Variants in MYO16 observed in about 807,000 individuals in gnomAD.
MYO16 encodes unconventional myosin-XVI.
A neutral mutation model predicts 205.3 loss-of-function variants in MYO16; 94 were observed. The observed-to-expected ratio is 0.46, with a 90% CI of 0.39 to 0.54. The LOEUF (loss-of-function observed/expected upper bound fraction) is 0.54, where lower values mean the gene tolerates loss of function less well. MYO16 is among the 20% of genes least tolerant of loss of function. The pLI, the probability that MYO16 is intolerant of heterozygous loss-of-function variation, is 0.00. For synonymous variants in MYO16, 988 were observed against 954.0 expected, an observed-to-expected ratio of 1.04 and a Z score of -0.66; for missense variants, 2,315 against 2,387.5, an observed-to-expected ratio of 0.97 and a Z score of 0.63.
rs571169291 is a variant in MYO16, at chr13:108,847,555, A to C, written c.1248+3062A>C. 1.1e-3 allele frequency among the ~76,000 whole-genome samples: 164 copies of C among 152,272 alleles called. 1 individual carries two copies. Among genetic ancestry groups the C allele is most frequent in the South Asian group, 2.7e-3 (13 of 4,828 alleles). ...TTAACATTTTAGAGATAAATACATC[A>C]TGTGGAAAATTTTAAAAAATTAAAA... On this transcript the variant is annotated intron_variant, in intron 10 of 34. Coordinates refer to ENST00000457511, the MANE Select transcript of MYO16 (RefSeq NM_001198950.3).
chr13:108,802,363 T>C (rs191769287), intron 6 of MYO16, among the ~76,000 whole-genome samples: 1 of 152,362 alleles, frequency 6.6e-6, no homozygotes, highest in African/African-American at 2.4e-5. Flanking sequence ...GTGCCTGACT[T>C]ATTTCACTTA....
At chr13:109,110,914 C>A (rs1260363059) in intron 28 of MYO16, among the ~76,000 whole-genome samples, 1 of 152,100 alleles carries the variant, frequency 6.6e-6, no homozygotes, top group Non-Finnish European at 1.5e-5. Context: ...CTGTGCCCTG[C>A]TGGTATGAAG....
At chr13:108,874,245 C>T (rs1052517619) in intron 12 of MYO16, among the ~76,000 whole-genome samples, 4 of 151,608 alleles carry the variant, frequency 2.6e-5, no homozygotes, top group Non-Finnish European at 4.4e-5. Flanking sequence ...GAAATGTGAT[C>T]GGGGCAAATC....
chr13:108,822,002 C>A (rs1464048839), intron 8 of MYO16, among the ~76,000 whole-genome samples: 1 of 152,058 alleles, frequency 6.6e-6, no homozygotes, highest in African/African-American at 2.4e-5. Flanking sequence ...TCAACTAAAG[C>A]AGATATGCCA....
intron 4 of MYO16, among the ~76,000 whole-genome samples, chr13:108,733,538 A>T (rs1045366194): frequency 2.0e-5 from 3 of 152,168 alleles, no homozygotes; most frequent in Non-Finnish European, 4.4e-5. Context: ...CTTATAATTC[A>T]TTCAGAGCTA....
the MYO16 span, among the ~76,000 whole-genome samples, chr13:108,517,949 C>A: frequency 6.6e-6 from 1 of 152,130 alleles, no homozygotes; most frequent in South Asian, 2.1e-4. Context: ...TGTTATGAGG[C>A]ACTAAACCTC....
the MYO16 span, among the ~76,000 whole-genome samples, chr13:108,566,557 A>C: frequency 1.6e-4 from 24 of 151,822 alleles, no homozygotes; most frequent in Non-Finnish European, 3.4e-4. Context: ...GCTAAAGCCC[A>C]GGAGGCAGAG....
intron 2 of MYO16, among the ~76,000 whole-genome samples, chr13:108,680,622 T>C (rs757794485): frequency 1.8e-4 from 27 of 152,228 alleles, no homozygotes; most frequent in Non-Finnish European, 3.7e-4. Context: ...CACTTTTTAA[T>C]CCATAGCTTA....
At chr13:108,690,256 C>T (rs1261210708) in intron 2 of MYO16, among the ~76,000 whole-genome samples, 4 of 127,138 alleles carry the variant, frequency 3.1e-5, no homozygotes, top group African/African-American at 9.2e-5. Flanking sequence ...TCTTTTCTCA[C>T]CTTTTCTTTC....
Position 109,125,116 on chromosome 13 carries a change from C to T in MYO16, c.3540C>T (p.Ile1180=). Residue 1180 remains isoleucine (I), a synonymous_variant, in exon 30 of 35, where the codon ATC becomes ATT. Transcript: ENST00000457511. This position sits in a 1 kb window ranked among gnomAD's most constrained non-coding sequence, Gnocchi z 4.0. ...CCCATGATCCTTCTATAAAAGTTAT[C>T]AGAGGATTTTTAGCACGCCAGCACC... ...QRKIITCQKV[I]RGFLARQHLL... is the part of the protein sequence containing the mutation. 3 of 1,613,952 alleles carry T rather than the reference C, an allele frequency of 1.9e-6. No homozygotes were observed. Among genetic ancestry groups the T allele is most frequent in the South Asian group, 1.1e-5 (1 of 91,012 alleles).
At chr13:109,131,139 G>A (rs922736194) in intron 31 of MYO16, among the ~76,000 whole-genome samples, 6 of 152,264 alleles carry the variant, frequency 3.9e-5, no homozygotes, top group Admixed American at 3.3e-4. Context: ...CAGGATCAAG[G>A]ACTACGGCTG....
chr13:109,169,597 T>C (rs1878845235), intron 33 of MYO16, among the ~76,000 whole-genome samples: 1 of 150,462 alleles, frequency 6.6e-6, no homozygotes, highest in African/African-American at 2.4e-5. Flanking sequence ...CCAAGATAAA[T>C]TTACAAATTT....
intron 2 of MYO16, among the ~76,000 whole-genome samples, chr13:108,692,779 C>T (rs1186828239): frequency 6.6e-6 from 1 of 152,064 alleles, no homozygotes. Context: ...GAACTAGGAA[C>T]CTGGGAAATA....
chr13:109,127,859 T>A lies in MYO16; in HGVS notation c.4051+309T>A, dbSNP rs1294173266. The stretch of plus-strand genomic sequence containing the variant: ...ATGTAAAGGTTCACCAATGAGAAAG[T>A]AAAAAAAAAAAAAAAAAAACTGCTT... On this transcript the variant is annotated intron_variant, in intron 31 of 34. Coordinates refer to ENST00000457511, the MANE Select transcript of MYO16 (RefSeq NM_001198950.3). This position sits in a 1 kb window ranked among gnomAD's most constrained non-coding sequence, Gnocchi z 4.2. Among the ~76,000 whole-genome samples the A allele has an allele frequency of 4.0e-4, 53 of 132,614 alleles. No homozygotes were observed. Among genetic ancestry groups the A allele is most frequent in the African/African-American group, 5.9e-4 (21 of 35,412 alleles). The allele number at this position is 132,614 out of a possible 152,430, so 87.0% of individuals were successfully genotyped here. A position where few individuals can be genotyped will look rare whatever the true frequency, so the allele number is the denominator to read the frequency against.
chr13:108,980,837 G>A (rs1399458427), intron 20 of MYO16, among the ~76,000 whole-genome samples: 1 of 152,170 alleles, frequency 6.6e-6, no homozygotes, highest in Non-Finnish European at 1.5e-5. Flanking sequence ...AGATAGTCTT[G>A]GAGCTGCTGA....
Position 108,827,832 on chromosome 13 carries a change from G to A in MYO16, c.1097+4554G>A, listed in dbSNP as rs183999235. 8.8e-4 allele frequency among the ~76,000 whole-genome samples: 134 copies of A among 152,184 alleles called. 1 individual carries two copies. The East Asian group carries it at 0.024, about 28-fold the overall frequency. ...GCTGCTGCTGAATATGCCCTTTAGC[G>A]TCTGAGCATGGACGTGCTCACCCAG... On this transcript the variant is annotated intron_variant, in intron 9 of 34. Transcript: ENST00000457511.
chr13:109,043,524 C>T (rs1035625849), intron 23 of MYO16, among the ~76,000 whole-genome samples: 3 of 152,104 alleles, frequency 2.0e-5, no homozygotes, highest in Admixed American at 1.3e-4. Flanking sequence ...AGGTTCTGAA[C>T]AGGAGAAATG....
intron 10 of MYO16, among the ~76,000 whole-genome samples, chr13:108,854,535 T>G (rs986627905): frequency 3.3e-5 from 5 of 152,122 alleles, no homozygotes; most frequent in African/African-American, 1.2e-4. Context: ...ATAATACAGA[T>G]ACAAATACAA....
At chr13:108,606,882 G>A (rs1296962478) in intron 1 of MYO16, among the ~76,000 whole-genome samples, 1 of 152,248 alleles carries the variant, frequency 6.6e-6, no homozygotes, top group Non-Finnish European at 1.5e-5. Flanking sequence ...AAGCTACAGG[G>A]GTGGAGCAGC....
Sources: allele counts gnomAD v4.1 joint callset (sites outside exome capture counted in the v4.1 genomes callset), GRCh38; gene constraint gnomAD v4.1.1; non-coding constraint Gnocchi (gnomAD v3.1); transcripts MANE v1.5; gene names NCBI Gene and HGNC (gene_info 2026-07-23, HGNC 2026-07-21).